PSAT1: variants seen among roughly 807,000 people sequenced by gnomAD.
PSAT1 encodes phosphoserine aminotransferase.
A neutral mutation model predicts 40.3 loss-of-function variants in PSAT1; 41 were observed. That is an observed-to-expected ratio of 1.02 (90% CI 0.79 to 1.32). The LOEUF is 1.32. Ranked by LOEUF, PSAT1 falls within the 40% of genes most tolerant of loss-of-function variation. The pLI is 0.00. For missense variants in PSAT1, 406 were observed against 455.8 expected (o/e 0.89, Z 0.99); for synonymous variants, 147 against 170.5 (o/e 0.86, Z 1.07).
At chr9:78,302,617 C>T (rs1828122974) in intron 3 of PSAT1, among the ~76,000 whole-genome samples, 1 of 151,780 alleles carries the variant, frequency 6.6e-6, no homozygotes, top group South Asian at 2.1e-4. Context: ...ACCTGTATTC[C>T]CAGCTATTCG....
chr9:78,312,421 C>T (rs1337582145), intron 6 of PSAT1, among the ~76,000 whole-genome samples: 3 of 152,106 alleles, frequency 2.0e-5, no homozygotes, highest in South Asian at 2.1e-4. Context: ...ACAGGCCAGG[C>T]GCAGTGGCTC....
At chr9:78,304,027 C>T (rs1270531444) in intron 3 of PSAT1, among the ~76,000 whole-genome samples, 3 of 152,088 alleles carry the variant, frequency 2.0e-5, no homozygotes, top group Admixed American at 6.5e-5. Flanking sequence ...CATGGGTAGG[C>T]CTAAAACATT....
chr9:78,325,205 G>T (rs998252786), intron 7 of PSAT1, among the ~76,000 whole-genome samples: 9 of 152,162 alleles, frequency 5.9e-5, no homozygotes, highest in African/African-American at 2.2e-4. Flanking sequence ...AAATGATTTT[G>T]GTCATCAAGA....
intron 7 of PSAT1, among the ~76,000 whole-genome samples, chr9:78,323,016 C>G (rs1308320232): frequency 1.3e-5 from 2 of 152,190 alleles, no homozygotes; most frequent in South Asian, 2.1e-4. Flanking sequence ...TACCCTTCCC[C>G]AGCACTCTGC....
rs773692119 is a variant in PSAT1, at chr9:78,317,679, C to T, written c.744C>T (p.Ile248=). The stretch of plus-strand genomic sequence containing the variant: ...TTTTTAAAAATCTTCATTTTAGCAT[C>T]TACGTCATGGGCTTGGTTCTGGAGT... The part of the protein sequence containing the change: ...SLYNTPPCFS[I]YVMGLVLEWI... Residue 248 remains isoleucine (I), a synonymous_variant, in exon 7 of 9, where the codon ATC becomes ATT. Transcript: ENST00000376588. 1.2e-6 allele frequency: 2 copies of T among 1,613,896 alleles called. No individual in the cohort carries two copies. Among genetic ancestry groups the T allele is most frequent in the East Asian group, 2.2e-5 (1 of 44,880 alleles).
intron 7 of PSAT1, among the ~76,000 whole-genome samples, chr9:78,326,950 TA>T (rs1564020463): frequency 6.9e-5 from 7 of 101,880 alleles, no homozygotes; most frequent in African/African-American, 3.2e-4. Context: ...TATATATATA[TA>T]TATATTTTTT....
chr9:78,326,497 A>G (rs1244781278), intron 7 of PSAT1, among the ~76,000 whole-genome samples: 1 of 152,184 alleles, frequency 6.6e-6, no homozygotes, highest in Non-Finnish European at 1.5e-5. Flanking sequence ...TACCTTATGC[A>G]AAGTGCTGGG....
rs777691208 is a variant in PSAT1 at position 78,329,089 on chromosome 9, A to G, written c.*3A>G. On this transcript the variant is annotated 3_prime_UTR_variant, in exon 9 of 9. Coordinates refer to ENST00000376588, the MANE Select transcript of PSAT1 (RefSeq NM_058179.4). The stretch of plus-strand genomic sequence containing the variant: ...TTTTGGAGATGCATCAGCTATGAAC[A>G]CATCCTAACCAGGATATACTCTGTT... 1.1e-5 allele frequency: 17 copies of G among 1,595,224 alleles called. No homozygotes were observed. The African/African-American group carries it at 1.5e-4, about 14-fold the overall frequency.
rs542332287 is a variant in PSAT1 at position 78,304,756 on chromosome 9, G to T, written c.213G>T (p.Lys71Asn). The T allele has an allele frequency of 2.5e-6, 4 of 1,614,060 alleles. No homozygotes were observed. Among genetic ancestry groups the T allele is most frequent in the South Asian group, 2.2e-5 (2 of 91,076 alleles). Reference sequence around the variant, plus strand: ...CCAGAGCTGTTCCAGACAACTATAAGGTGATTTTTCTGCAAGGAGGTGGGT... The same window carrying T: ...CCAGAGCTGTTCCAGACAACTATAATGTGATTTTTCTGCAAGGAGGTGGGT... Reference protein sequence around the residue: ...RELLAVPDNYKVIFLQGGGCG... With the variant: ...RELLAVPDNYNVIFLQGGGCG... Residue 71 changes from lysine to asparagine, a missense_variant, in exon 4 of 9, where the codon AAG (lysine) becomes AAT (asparagine). By Grantham distance (94) the Lys-to-Asn change is moderately conservative (BLOSUM62 0). Coordinates refer to ENST00000376588, the MANE Select transcript of PSAT1 (RefSeq NM_058179.4).
At position 78,329,006 on chromosome 9, in the gene PSAT1, CTG is replaced by C. The variant is rs2118717927; in HGVS notation, c.1035_1036del (p.Tyr346Ter). ...GTCTGTGGGAGGCATCCGGGCCTCTCTGTATAATGCTGTCACAATTGAAGACG... is the reference window on the plus strand; with the variant it reads ...GTCTGTGGGAGGCATCCGGGCCTCTCTATAATGCTGTCACAATTGAAGACG... ...HRSVGGIRAS[L>X]YNAVTIEDVQ... On this transcript the variant is annotated frameshift_variant, in exon 9 of 9. Transcript: ENST00000376588. LOFTEE classifies it high-confidence loss of function. 6.2e-7 allele frequency: 1 copy of C among 1,613,772 alleles called. No individual in the cohort carries two copies. The highest frequency in any genetic ancestry group is 8.5e-7 in the Non-Finnish European group (1 of 1,179,820).
intron 2 of PSAT1, among the ~76,000 whole-genome samples, chr9:78,301,367 TA>T (rs149462702): frequency 0.018 from 2,777 of 152,308 alleles, 83 homozygotes; most frequent in African/African-American, 0.062. Context: ...TAAAAGTACA[TA>T]AGCCTTTTAT....
At chr9:78,310,661 A>G (rs1254714855) in intron 6 of PSAT1, among the ~76,000 whole-genome samples, 1 of 149,964 alleles carries the variant, frequency 6.7e-6, no homozygotes, top group African/African-American at 2.5e-5. Context: ...CCCAGGCTGG[A>G]GTGCAGTGGC....
chr9:78,322,538 G>A (rs890960426), intron 7 of PSAT1, among the ~76,000 whole-genome samples: 15 of 152,060 alleles, frequency 9.9e-5, no homozygotes, highest in African/African-American at 2.7e-4. Context: ...AAAGAATGAC[G>A]TATTTAATTA....
rs1368512802 is a variant in PSAT1 at position 78,308,197 on chromosome 9, A to C, written c.571-217A>C. Among the ~76,000 whole-genome samples, 3 of 152,230 alleles carry C rather than the reference A, an allele frequency of 2.0e-5. No homozygotes were observed. The East Asian group carries it at 5.8e-4, about 29-fold the overall frequency. The stretch of plus-strand genomic sequence containing the variant: ...TGATGGGCTTGGGTTAGCCCCATCC[A>C]GGTGAGGACCAGGCTGACGGATCAT... On this transcript the variant is annotated intron_variant, in intron 5 of 8. Transcript: ENST00000376588.
intron 3 of PSAT1, among the ~76,000 whole-genome samples, 155 bp from the exon 4 acceptor site, chr9:78,304,580 A>T (rs1440528552): frequency 6.6e-6 from 1 of 152,216 alleles, no homozygotes; most frequent in Non-Finnish European, 1.5e-5. Context: ...TGCATAAATA[A>T]ATGAGTGAAT....
At position 78,329,166 on chromosome 9, in the gene PSAT1, A is replaced by G. The variant is rs1828545287; in HGVS notation, c.*80A>G. The G allele has an allele frequency of 9.9e-7, 1 of 1,013,848 alleles. No homozygotes were observed. The highest frequency in any genetic ancestry group is 1.6e-6 in the Non-Finnish European group (1 of 639,868). 62.8% of individuals were successfully genotyped at this position (1,013,848 alleles called of 1,614,324 possible). A position where few individuals can be genotyped will look rare whatever the true frequency, so the allele number is the denominator to read the frequency against. On this transcript the variant is annotated 3_prime_UTR_variant, in exon 9 of 9. Coordinates refer to ENST00000376588, the MANE Select transcript of PSAT1 (RefSeq NM_058179.4). ...AACTTGGGGATGGCTACAAAAAGTT[A>G]ACACAGTATTTTTCTCAAATGAACA... is the stretch of plus-strand genomic sequence containing the variant.
At chr9:78,311,839 A>G (rs572469573) in intron 6 of PSAT1, among the ~76,000 whole-genome samples, 1 of 151,882 alleles carries the variant, frequency 6.6e-6, no homozygotes, top group African/African-American at 2.4e-5. Context: ...GAAAACAAAA[A>G]CAAAAACAAA....
At chr9:78,310,122 T>C (rs899743109) in intron 6 of PSAT1, among the ~76,000 whole-genome samples, 1 of 152,210 alleles carries the variant, frequency 6.6e-6, no homozygotes, top group Non-Finnish European at 1.5e-5. Flanking sequence ...CTGGAGTTTG[T>C]AGATTTATCT....
intron 5 of PSAT1, among the ~76,000 whole-genome samples, chr9:78,307,355 T>G (rs551983079): frequency 6.6e-6 from 1 of 152,392 alleles, no homozygotes; most frequent in African/African-American, 2.4e-5. Context: ...CTATTGCACT[T>G]AGCAGAATGT....
Sources: allele counts gnomAD v4.1 joint callset (sites outside exome capture counted in the v4.1 genomes callset), GRCh38; gene constraint gnomAD v4.1.1; transcripts MANE v1.5; gene names NCBI Gene and HGNC (gene_info 2026-07-23, HGNC 2026-07-21).